Variants in LINGO2 observed in about 807,000 individuals in gnomAD.
The protein encoded by LINGO2 is leucine-rich repeat and immunoglobulin-like domain-containing nogo receptor-interacting protein 2.
LINGO2 carries 14 observed loss-of-function variants against 30.6 expected under a neutral mutation model. The ratio of observed to expected loss-of-function variants is 0.46; its 90% confidence interval spans 0.30 to 0.72. The LOEUF (loss-of-function observed/expected upper bound fraction) is 0.72. LINGO2 is among the 30% of genes least tolerant of loss of function. LINGO2 has a pLI of 0.07. For missense variants in LINGO2, 729 were observed against 751.7 expected (o/e 0.97, Z 0.35); for synonymous variants, 317 against 288.5 (o/e 1.10, Z -1.00).
the LINGO2 span, among the ~76,000 whole-genome samples, chr9:28,865,159 T>G: frequency 2.0e-5 from 3 of 152,072 alleles, no homozygotes; most frequent in Admixed American, 2.0e-4. Flanking sequence ...TAACGTGATT[T>G]TTATTTTATT....
At chr9:27,989,445 C>CTCTGTG (rs1224690877) in intron 5 of LINGO2, among the ~76,000 whole-genome samples, 151 of 150,490 alleles carry the variant, frequency 1.0e-3, no homozygotes, top group South Asian at 4.6e-3. Flanking sequence ...TGAATGCTCT[C>CTCTGTG]TGTGTGTGTG....
At chr9:28,392,637 C>G (rs1455095728) in intron 2 of LINGO2, among the ~76,000 whole-genome samples, 1 of 152,162 alleles carries the variant, frequency 6.6e-6, no homozygotes, top group East Asian at 1.9e-4. Flanking sequence ...TCCCCCTACC[C>G]TTCCGGAGGT....
chr9:29,157,454 T>C, the LINGO2 span, among the ~76,000 whole-genome samples: 6 of 152,188 alleles, frequency 3.9e-5, no homozygotes, highest in African/African-American at 1.4e-4. Context: ...ACTTTATAGT[T>C]ACTTTTAGTG....
chr9:28,782,139 A>ATCCT, the LINGO2 span, among the ~76,000 whole-genome samples: 3 of 152,162 alleles, frequency 2.0e-5, no homozygotes, highest in African/African-American at 4.8e-5. Flanking sequence ...TACAAGCCAG[A>ATCCT]TCCTGCAAGC....
the LINGO2 span, among the ~76,000 whole-genome samples, chr9:29,049,497 A>G: frequency 6.6e-6 from 1 of 152,338 alleles, no homozygotes; most frequent in East Asian, 1.9e-4. Flanking sequence ...AGATATCTCT[A>G]CTTCTATGTT....
chr9:28,080,074 C>T (rs1468523472), intron 4 of LINGO2, among the ~76,000 whole-genome samples: 1 of 152,198 alleles, frequency 6.6e-6, no homozygotes, highest in East Asian at 1.9e-4. Flanking sequence ...ACTGTTATGC[C>T]ATAGTCTAAG....
intron 3 of LINGO2, among the ~76,000 whole-genome samples, chr9:28,303,367 T>G (rs915225270): frequency 1.3e-5 from 2 of 152,114 alleles, no homozygotes; most frequent in African/African-American, 4.8e-5. Flanking sequence ...TGAGAGGGGC[T>G]TGGATGTGAC....
chr9:28,201,125 G>A (rs1484729394), intron 4 of LINGO2, among the ~76,000 whole-genome samples: 1 of 145,300 alleles, frequency 6.9e-6, no homozygotes, highest in African/African-American at 2.6e-5. Flanking sequence ...TGTGCACATT[G>A]TGCAGGTTAG....
At chr9:28,028,012 C>T (rs1383438061) in intron 4 of LINGO2, among the ~76,000 whole-genome samples, 1 of 152,076 alleles carries the variant, frequency 6.6e-6, no homozygotes, top group Non-Finnish European at 1.5e-5. Context: ...TTTTTCTTGA[C>T]CACTCACTTA....
chr9:28,696,686 G>A, the LINGO2 span, among the ~76,000 whole-genome samples: 3 of 151,900 alleles, frequency 2.0e-5, no homozygotes, highest in African/African-American at 7.2e-5. Flanking sequence ...AGTCAGAGAT[G>A]AAGTATGATT....
intron 1 of LINGO2, among the ~76,000 whole-genome samples, chr9:28,652,469 A>T (rs1163140462): frequency 6.6e-6 from 1 of 152,158 alleles, no homozygotes; most frequent in Non-Finnish European, 1.5e-5. Context: ...AAACTCATAA[A>T]GGAATGCACC....
chr9:28,414,483 A>G (rs1402816122), intron 2 of LINGO2, among the ~76,000 whole-genome samples: 1 of 152,168 alleles, frequency 6.6e-6, no homozygotes, highest in African/African-American at 2.4e-5. Context: ...TGAGGGGCTG[A>G]TATTTGCCAA....
At chr9:28,704,051 C>T in the LINGO2 span, among the ~76,000 whole-genome samples, 2 of 151,882 alleles carry the variant, frequency 1.3e-5, no homozygotes, top group African/African-American at 4.8e-5. Flanking sequence ...AAACGTAGAT[C>T]AGAGTTTCTG....
At chr9:28,653,836 T>C (rs1828219381) in intron 1 of LINGO2, among the ~76,000 whole-genome samples, 1 of 152,120 alleles carries the variant, frequency 6.6e-6, no homozygotes, top group Non-Finnish European at 1.5e-5. Context: ...GTTAAAGATT[T>C]TGAACATCAC....
intron 3 of LINGO2, among the ~76,000 whole-genome samples, chr9:28,367,097 T>C (rs759074831): frequency 1.4e-5 from 2 of 147,190 alleles, no homozygotes; most frequent in Non-Finnish European, 3.0e-5. Context: ...ATTATAATTT[T>C]GGTTAAATCA....
At chr9:29,200,488 T>G in the LINGO2 span, among the ~76,000 whole-genome samples, 1 of 152,046 alleles carries the variant, frequency 6.6e-6, no homozygotes, top group Non-Finnish European at 1.5e-5. Flanking sequence ...AAAATAAAAA[T>G]GAGTAAAATA....
chr9:28,867,527 A>G, the LINGO2 span, among the ~76,000 whole-genome samples: 3 of 152,022 alleles, frequency 2.0e-5, no homozygotes, highest in Non-Finnish European at 4.4e-5. Context: ...TACTGCACCA[A>G]TGTAAACATT....
In LINGO2 at chr9:28,155,099, G is replaced by T. The variant is rs551830290; in HGVS notation, c.-87+140109C>A. Among the ~76,000 whole-genome samples, 37 of 152,296 alleles carry T rather than the reference G, an allele frequency of 2.4e-4. No homozygotes were observed. In the South Asian group the frequency reaches 7.7e-3, roughly 32 times the overall value. On this transcript the variant is annotated intron_variant, in intron 4 of 5. Coordinates refer to ENST00000379992, the Ensembl canonical transcript of LINGO2. ...GAGCATTAAGACTCATTAAAGAAAA[G>T]ATAAGGAAAATATGCAAGCAACTGG...
chr9:28,845,041 G>A, the LINGO2 span, among the ~76,000 whole-genome samples: 18 of 151,826 alleles, frequency 1.2e-4, no homozygotes, highest in Non-Finnish European at 2.6e-4. Flanking sequence ...CACAAATGGT[G>A]AGAGTTTACA....
Sources: allele counts gnomAD v4.1 joint callset (sites outside exome capture counted in the v4.1 genomes callset), GRCh38; gene constraint gnomAD v4.1.1; transcripts MANE v1.5; gene names NCBI Gene and HGNC (gene_info 2026-07-23, HGNC 2026-07-21).